The following CNTN1 variants were observed in gnomAD, a reference collection of about 807,000 sequenced individuals.
CNTN1 encodes contactin 1, also known as contactin-1.
Under a neutral mutation model 126.4 loss-of-function variants are expected in CNTN1, and 38 were observed. The observed-to-expected ratio is 0.30, with a 90% CI of 0.23 to 0.39. The LOEUF is 0.39. Ranked by LOEUF, CNTN1 falls within the 10% of genes least tolerant of loss-of-function variation. The pLI is 1.00. For missense variants in CNTN1, 1,009 were observed against 1,248.4 expected (o/e 0.81, Z 2.89); for synonymous variants, 413 against 422.6 (o/e 0.98, Z 0.28).
intron 1 of CNTN1, among the ~76,000 whole-genome samples, chr12:40,760,195 T>C (rs1938801263): frequency 6.6e-6 from 1 of 152,204 alleles, no homozygotes; most frequent in Non-Finnish European, 1.5e-5. Context: ...TGTTTTGTTT[T>C]GATTTTGAAT....
intron 1 of CNTN1, among the ~76,000 whole-genome samples, chr12:40,850,747 G>A (rs1355442815): frequency 1.3e-5 from 2 of 151,516 alleles, no homozygotes; most frequent in Non-Finnish European, 2.9e-5. Flanking sequence ...TTTGTACCAA[G>A]TGATCTGAGG....
chr12:40,762,475 C>CA (rs1938900749), intron 1 of CNTN1, among the ~76,000 whole-genome samples: 1 of 151,918 alleles, frequency 6.6e-6, no homozygotes, highest in South Asian at 2.1e-4. Context: ...AGAACTTATC[C>CA]AAAATAACAG....
At chr12:40,737,357 G>A (rs950205100) in intron 1 of CNTN1, among the ~76,000 whole-genome samples, 18 of 105,082 alleles carry the variant, frequency 1.7e-4, no homozygotes, top group South Asian at 3.6e-4. Context: ...ATATGTGTGT[G>A]TGTATATATA....
chr12:40,768,432 G>T (rs1338634758), intron 1 of CNTN1, among the ~76,000 whole-genome samples: 1 of 152,078 alleles, frequency 6.6e-6, no homozygotes, highest in South Asian at 2.1e-4. Flanking sequence ...ACACTAATTA[G>T]GAAATCATAT....
intron 5 of CNTN1, among the ~76,000 whole-genome samples, chr12:40,923,078 G>A (rs1945509363): frequency 6.6e-6 from 1 of 150,768 alleles, no homozygotes; most frequent in African/African-American, 2.4e-5. Flanking sequence ...GGAAGAAAAT[G>A]TCACATATTG....
At chr12:41,023,358 C>T (rs1037189210) in intron 20 of CNTN1, among the ~76,000 whole-genome samples, 6 of 152,178 alleles carry the variant, frequency 3.9e-5, no homozygotes, top group African/African-American at 1.4e-4. Context: ...AAGTGTATCT[C>T]AGTAGAATGT....
At chr12:40,971,087 C>T (rs1484057239) in intron 15 of CNTN1, among the ~76,000 whole-genome samples, 2 of 152,146 alleles carry the variant, frequency 1.3e-5, no homozygotes, top group Non-Finnish European at 2.9e-5. Context: ...AAGGCATAAC[C>T]ATATGTTTCA....
At chr12:41,053,019 G>A (rs1465510775) in intron 23 of CNTN1, among the ~76,000 whole-genome samples, 1 of 151,612 alleles carries the variant, frequency 6.6e-6, no homozygotes, top group Non-Finnish European at 1.5e-5. Context: ...AATGTGCTTA[G>A]AAAATAGAGA....
intron 1 of CNTN1, among the ~76,000 whole-genome samples, chr12:40,757,856 A>G (rs1479872108): frequency 6.6e-6 from 1 of 152,142 alleles, no homozygotes; most frequent in Non-Finnish European, 1.5e-5. Context: ...GCTAAATACA[A>G]AGTACTATAG....
At chr12:40,845,502 A>G (rs747607476) in intron 1 of CNTN1, among the ~76,000 whole-genome samples, 3 of 152,226 alleles carry the variant, frequency 2.0e-5, no homozygotes, top group Non-Finnish European at 4.4e-5. Flanking sequence ...AAGAAGAACT[A>G]TTAGACTATT....
At chr12:40,722,304 G>A (rs1026224806) in intron 1 of CNTN1, among the ~76,000 whole-genome samples, 14 of 152,252 alleles carry the variant, frequency 9.2e-5, no homozygotes, top group African/African-American at 3.4e-4. Context: ...CACTTGGTGT[G>A]AATATTCACA....
Position 40,843,714 on chromosome 12 carries a change from G to T in CNTN1, c.-76-64643G>T, listed in dbSNP as rs988404759. On this transcript the variant is annotated intron_variant, in intron 1 of 23. Coordinates refer to ENST00000551295, the MANE Select transcript of CNTN1 (RefSeq NM_001843.4). ...AATTATATAATACAAATTGTTTAGA[G>T]ATAAATGCCCTGCAAGATAAGCAAG... 6.6e-4 allele frequency among the ~76,000 whole-genome samples: 101 copies of T among 152,126 alleles called. 1 individual carries two copies. The highest frequency in any genetic ancestry group is 2.6e-4 in the Non-Finnish European group (18 of 68,018).
chr12:41,067,046 T>C (rs1358745408), intron 23 of CNTN1, among the ~76,000 whole-genome samples: 1 of 152,200 alleles, frequency 6.6e-6, no homozygotes, highest in Non-Finnish European at 1.5e-5. Flanking sequence ...GATATATATG[T>C]TGTTAGATTC....
At chr12:40,739,666 G>A (rs1484016632) in intron 1 of CNTN1, among the ~76,000 whole-genome samples, 1 of 152,000 alleles carries the variant, frequency 6.6e-6, no homozygotes, top group Non-Finnish European at 1.5e-5. Flanking sequence ...ATTTCTTTAA[G>A]AAATAATTGA....
intron 1 of CNTN1, among the ~76,000 whole-genome samples, chr12:40,864,019 CTTTT>C (rs71434336): frequency 1.1e-5 from 1 of 92,578 alleles, no homozygotes. Flanking sequence ...CTCTGCTTTC[CTTTT>C]TTTTTTTTTT....
intron 15 of CNTN1, among the ~76,000 whole-genome samples, chr12:40,964,995 G>A (rs1445177889): frequency 6.6e-6 from 1 of 152,110 alleles, no homozygotes; most frequent in Non-Finnish European, 1.5e-5. Flanking sequence ...TTTACTTGGA[G>A]ATGATGGTCC....
intron 1 of CNTN1, among the ~76,000 whole-genome samples, chr12:40,897,033 A>G (rs533695774): frequency 3.3e-5 from 5 of 152,244 alleles, no homozygotes; most frequent in Non-Finnish European, 7.3e-5. Flanking sequence ...AAGATGGAGT[A>G]CATATATCTT....
At chr12:40,860,510 G>T (rs962338258) in intron 1 of CNTN1, among the ~76,000 whole-genome samples, 15 of 152,042 alleles carry the variant, frequency 9.9e-5, no homozygotes, top group Non-Finnish European at 8.8e-5. Flanking sequence ...CTGTATTTCT[G>T]ATCAACGGGC....
At chr12:40,940,818 G>T (rs909506394) in intron 12 of CNTN1, among the ~76,000 whole-genome samples, 2 of 152,104 alleles carry the variant, frequency 1.3e-5, no homozygotes, top group Non-Finnish European at 2.9e-5. Context: ...ACTACAAGAA[G>T]GGTTAAAGGA....
Sources: gnomAD v4.1 joint callset for allele counts (sites outside exome capture counted in the v4.1 genomes callset) on GRCh38, gnomAD v4.1.1 for gene constraint, MANE v1.5 for transcripts, NCBI Gene and HGNC (gene_info 2026-07-23, HGNC 2026-07-21) for gene names.